Variants in SPIRE1 observed in about 807,000 individuals in gnomAD.
SPIRE1 encodes the protein protein spire homolog 1.
Under a neutral mutation model 94.1 loss-of-function variants are expected in SPIRE1, and 40 were observed. The observed-to-expected ratio is 0.43, with a 90% CI of 0.33 to 0.55. The LOEUF (loss-of-function observed/expected upper bound fraction) is 0.55. SPIRE1 is among the 20% of genes least tolerant of loss of function. SPIRE1 has a pLI of 0.06. For synonymous variants in SPIRE1, 376 were observed against 371.7 expected (o/e 1.01, Z -0.13); for missense variants, 838 against 975.2 (o/e 0.86, Z 1.87).
intron 10 of SPIRE1, among the ~76,000 whole-genome samples, chr18:12,468,507 C>G (rs1382362587): frequency 6.6e-6 from 1 of 152,154 alleles, no homozygotes; most frequent in East Asian, 1.9e-4. Context: ...ATGAAACCTC[C>G]AAATTGGATT....
intron 2 of SPIRE1, 127 bp downstream of exon 2, chr18:12,634,935 C>CAAA: frequency 6.5e-5 from 28 of 432,136 alleles, no homozygotes; most frequent in Admixed American, 9.0e-5. Flanking sequence ...AAGTCCATCT[C>CAAA]AAAAAAAAAA....
At chr18:12,644,991 A>G (rs916714112) in intron 1 of SPIRE1, among the ~76,000 whole-genome samples, 3 of 152,080 alleles carry the variant, frequency 2.0e-5, no homozygotes, top group African/African-American at 7.2e-5. Context: ...TGTACATGTA[A>G]CCCCAGTACT....
At chr18:12,570,982 G>A (rs2035947299) in intron 2 of SPIRE1, among the ~76,000 whole-genome samples, 1 of 152,116 alleles carries the variant, frequency 6.6e-6, no homozygotes, top group Non-Finnish European at 1.5e-5. Flanking sequence ...TTCTCCTTTA[G>A]TGTGTGTTTC....
chr18:12,574,083 G>A (rs1306644013), intron 2 of SPIRE1, among the ~76,000 whole-genome samples: 1 of 152,140 alleles, frequency 6.6e-6, no homozygotes, highest in Non-Finnish European at 1.5e-5. Context: ...TGTAGTAAAT[G>A]TACTACATGA....
intron 10 of SPIRE1, among the ~76,000 whole-genome samples, chr18:12,472,616 G>C (rs1217962650): frequency 6.6e-6 from 1 of 151,268 alleles, no homozygotes; most frequent in African/African-American, 2.4e-5. Flanking sequence ...TGATCCGCCT[G>C]CCTCAGCCTC....
intron 10 of SPIRE1, among the ~76,000 whole-genome samples, chr18:12,469,003 G>A (rs2032235872): frequency 6.6e-6 from 1 of 152,120 alleles, no homozygotes; most frequent in Non-Finnish European, 1.5e-5. Flanking sequence ...GGTCGAGGCT[G>A]CAATGAGCTG....
At chr18:12,516,746 CA>C (rs1459221829) in intron 4 of SPIRE1, among the ~76,000 whole-genome samples, 1 of 152,122 alleles carries the variant, frequency 6.6e-6, no homozygotes, top group Non-Finnish European at 1.5e-5. Flanking sequence ...ATATTCAATC[CA>C]AACTCTTTTG....
chr18:12,535,604 A>G lies in SPIRE1; in HGVS notation c.604-3T>C, dbSNP rs573447846. On this transcript the variant is annotated splice_polypyrimidine_tract_variant and splice_region_variant and intron_variant, in intron 3 of 16. Coordinates refer to ENST00000409402, the MANE Select transcript of SPIRE1 (RefSeq NM_001128626.2). Reference sequence around the variant, plus strand: ...GTAGGGAGATGAGCAGCACACAACTATAGAAGGGGAAAATAAAATAATGGT... The same window carrying G: ...GTAGGGAGATGAGCAGCACACAACTGTAGAAGGGGAAAATAAAATAATGGT... 1.9e-5 allele frequency: 31 copies of G among 1,605,594 alleles called. No homozygotes were observed. In the South Asian group the frequency reaches 3.3e-4, roughly 17 times the overall value.
Position 12,463,561 on chromosome 18 carries a change from T to C in SPIRE1, c.1496-68A>G. ...CTAACACAAAACCTTTTGACATTTG[T>C]GACAAACACTGTAATTCAAAGATGA... On this transcript the variant is annotated intron_variant, in intron 11 of 16. Transcript: ENST00000409402. The C allele has an allele frequency of 5.7e-6, 7 of 1,219,720 alleles. No individual in the cohort carries two copies. The South Asian group carries it at 9.7e-5, about 17-fold the overall frequency. The allele number at this position is 1,219,720 out of a possible 1,614,324, so 75.6% of individuals were successfully genotyped here. A position where few individuals can be genotyped will look rare whatever the true frequency, so the allele number is the denominator to read the frequency against.
At chr18:12,638,958 T>C (rs1416366328) in intron 1 of SPIRE1, among the ~76,000 whole-genome samples, 2 of 152,152 alleles carry the variant, frequency 1.3e-5, no homozygotes, top group African/African-American at 4.8e-5. Flanking sequence ...CTTTTCTTTA[T>C]AAATTACCCA....
chr18:12,451,026 G>GGGAGGAGGA lies in SPIRE1; in HGVS notation c.2013-1139_2013-1131dup, dbSNP rs532972302. 5.7e-6 allele frequency: 3 copies of GGGAGGAGGA among 528,400 alleles called. No individual in the cohort carries two copies. The Admixed American group carries it at 8.4e-5, about 15-fold the overall frequency. The allele number at this position is 528,400 out of a possible 1,614,324, so 32.7% of individuals were successfully genotyped here. Reference sequence around the variant, plus strand: ...GAACAAGATGAAAAGGAAGAAGGAGGGGAGGAGGAGGAGGAGGAGGAGGAT... The same window carrying GGGAGGAGGA: ...GAACAAGATGAAAAGGAAGAAGGAGGGGAGGAGGAGGAGGAGGAGGAGGAGGAGGAGGAT... On this transcript the variant is annotated intron_variant, in intron 16 of 16. Coordinates refer to ENST00000409402, the MANE Select transcript of SPIRE1 (RefSeq NM_001128626.2).
intron 10 of SPIRE1, among the ~76,000 whole-genome samples, chr18:12,471,771 G>A (rs905958264): frequency 6.6e-6 from 1 of 152,140 alleles, no homozygotes; most frequent in Admixed American, 6.5e-5. Flanking sequence ...ACCATTTCAT[G>A]TGCCTGTTTT....
At chr18:12,496,529 T>TTAGAG (rs2033465345) in intron 6 of SPIRE1, among the ~76,000 whole-genome samples, 1 of 151,432 alleles carries the variant, frequency 6.6e-6, no homozygotes, top group Non-Finnish European at 1.5e-5. Context: ...AGGTAGGGAG[T>TTAGAG]TAGAGACCAG....
intron 1 of SPIRE1, chr18:12,656,768 C>A (rs1036045667): frequency 6.5e-5 from 52 of 800,254 alleles, no homozygotes; most frequent in Non-Finnish European, 7.9e-5. Context: ...AGGTCATAAT[C>A]CTGAAAATTT....
chr18:12,494,998 C>T (rs1431268050), intron 7 of SPIRE1, among the ~76,000 whole-genome samples: 3 of 144,260 alleles, frequency 2.1e-5, no homozygotes, highest in South Asian at 2.2e-4. Context: ...TGCAGTGAGC[C>T]GAGATTGCAT....
intron 4 of SPIRE1, among the ~76,000 whole-genome samples, chr18:12,514,601 T>C (rs867729321): frequency 2.0e-5 from 3 of 152,178 alleles, no homozygotes; most frequent in African/African-American, 4.8e-5. Context: ...ACCTATTTAA[T>C]AGCCCTTACC....
intron 2 of SPIRE1, among the ~76,000 whole-genome samples, chr18:12,550,125 C>T (rs888756603): frequency 3.3e-5 from 5 of 152,074 alleles, no homozygotes; most frequent in African/African-American, 1.2e-4. Context: ...AGGAGTAGGT[C>T]TTCTATTCCT....
At chr18:12,482,049 G>A (rs2032862387) in intron 9 of SPIRE1, among the ~76,000 whole-genome samples, 1 of 152,120 alleles carries the variant, frequency 6.6e-6, no homozygotes, top group African/African-American at 2.4e-5. Flanking sequence ...AGCTTCTCAT[G>A]CTGGCCCCAC....
intron 10 of SPIRE1, among the ~76,000 whole-genome samples, chr18:12,470,876 T>G (rs1420451396): frequency 6.6e-6 from 1 of 151,906 alleles, no homozygotes. Flanking sequence ...CTCAGAACCA[T>G]GGCTGCAGGA....
Sources: allele counts gnomAD v4.1 joint callset (sites outside exome capture counted in the v4.1 genomes callset), GRCh38; gene constraint gnomAD v4.1.1; transcripts MANE v1.5; gene names NCBI Gene and HGNC (gene_info 2026-07-23, HGNC 2026-07-21).